ANKMY2: variants seen among roughly 807,000 people sequenced by gnomAD.
The protein encoded by ANKMY2 is ankyrin repeat and MYND domain-containing protein 2.
In ANKMY2, 36 loss-of-function variants were observed where a neutral mutation model predicts 50.4. The observed-to-expected ratio is 0.71, with a 90% CI of 0.55 to 0.94. The LOEUF (loss-of-function observed/expected upper bound fraction) is 0.94, where lower values mean the gene tolerates loss of function less well. ANKMY2 is among the 40% of genes least tolerant of loss of function. The pLI, the probability that ANKMY2 is intolerant of heterozygous loss-of-function variation, is 0.00. For synonymous variants in ANKMY2, 187 were observed against 178.8 expected (o/e 1.05, Z -0.36); for missense variants, 565 against 524.0 (o/e 1.08, Z -0.76).
intron 7 of ANKMY2, among the ~76,000 whole-genome samples, chr7:16,606,557 T>C (rs1781165056): frequency 6.6e-6 from 1 of 152,152 alleles, no homozygotes; most frequent in South Asian, 2.1e-4. Flanking sequence ...TTGTTCTGAG[T>C]TTTTCAAATT....
rs762018862 is a variant in ANKMY2, at chr7:16,600,847, C to T, written c.1240G>A (p.Glu414Lys). The part of the protein sequence containing the change: ...QKDSNPEDSG[E>K]GKKESLESEA... ...CTTTCAAGAGATTCTTTCTTTCCTT[C>T]CCCGGAATCTTCAGGATTGGAATCC... Residue 414 changes from glutamate to lysine, a missense_variant, in exon 10 of 10, where the codon GAA becomes AAA. Transcript: ENST00000306999. 3.1e-6 allele frequency: 5 copies of T among 1,613,436 alleles called. No individual in the cohort carries two copies. Among genetic ancestry groups the T allele is most frequent in the Non-Finnish European group, 1.7e-6 (2 of 1,179,756 alleles).
At chr7:16,640,347 A>G (rs1381011517) in intron 1 of ANKMY2, among the ~76,000 whole-genome samples, 1 of 152,156 alleles carries the variant, frequency 6.6e-6, no homozygotes, top group African/African-American at 2.4e-5. Flanking sequence ...GAGCAGCACA[A>G]TATAATTCAT....
chr7:16,624,002 C>T (rs1004841372), intron 4 of ANKMY2, among the ~76,000 whole-genome samples: 1 of 152,048 alleles, frequency 6.6e-6, no homozygotes, highest in Non-Finnish European at 1.5e-5. Flanking sequence ...TCTCTCAAAA[C>T]CCCCTTGAAT....
At chr7:16,609,229 A>G (rs1037558734) in intron 7 of ANKMY2, among the ~76,000 whole-genome samples, 1 of 152,120 alleles carries the variant, frequency 6.6e-6, no homozygotes, top group Non-Finnish European at 1.5e-5. Context: ...ATCCCACTAC[A>G]TCCCCACTGC....
intron 1 of ANKMY2, among the ~76,000 whole-genome samples, chr7:16,642,654 A>G (rs1287799316): frequency 2.1e-5 from 3 of 146,002 alleles, no homozygotes; most frequent in African/African-American, 8.2e-5. Flanking sequence ...GTATGAAAGA[A>G]AAAAAAAAAA....
At chr7:16,639,997 T>TAA (rs1174380154) in intron 1 of ANKMY2, among the ~76,000 whole-genome samples, 6 of 143,066 alleles carry the variant, frequency 4.2e-5, no homozygotes, top group East Asian at 2.0e-4. Context: ...CCATCTCTAC[T>TAA]AAAAAAAAAA....
intron 8 of ANKMY2, among the ~76,000 whole-genome samples, chr7:16,604,488 A>G (rs1465298483): frequency 6.6e-6 from 1 of 152,236 alleles, no homozygotes; most frequent in Non-Finnish European, 1.5e-5. Context: ...TGAGGTGATC[A>G]GCAAAGAGGC....
intron 7 of ANKMY2, among the ~76,000 whole-genome samples, chr7:16,605,195 C>G (rs1335741278): frequency 1.3e-5 from 2 of 152,140 alleles, no homozygotes; most frequent in Admixed American, 1.3e-4. Context: ...TTTCTGAGAA[C>G]TGACATCCAG....
intron 2 of ANKMY2, among the ~76,000 whole-genome samples, chr7:16,634,609 C>A (rs908559139): frequency 1.3e-5 from 2 of 152,064 alleles, no homozygotes; most frequent in Non-Finnish European, 2.9e-5. Context: ...TGGAAACTAC[C>A]CAAGCCTGGG....
At position 16,636,450 on chromosome 7, in the gene ANKMY2, C is replaced by T; in HGVS notation, c.73G>A (p.Val25Ile). Residue 25 changes from valine (V) to isoleucine (I), a missense_variant, in exon 2 of 10, where the codon GTC (valine) becomes ATC (isoleucine). Transcript: ENST00000306999. ...GATAATAATGTTCCAGCTTCTTGGA[C>T]AGTACCTAAAAAAAAAAAAAAGATG... is the stretch of plus-strand genomic sequence containing the variant. ...ELLEVIGKGT[V>I]QEAGTLLSSK... The T allele has an allele frequency of 6.4e-7, 1 of 1,551,432 alleles. No individual in the cohort carries two copies. The highest frequency in any genetic ancestry group is 1.4e-5 in the African/African-American group (1 of 69,542).
In ANKMY2 at chr7:16,645,503, GTACCTTTCCCGA is replaced by G; in HGVS notation, c.59_67+3del. On this transcript the variant is annotated splice_donor_variant and splice_donor_region_variant and coding_sequence_variant and intron_variant, in exon 1 of 10. Transcript: ENST00000306999. LOFTEE classifies it high-confidence loss of function. ...GCGGCCGCGTCGCAGCCCAGCACCC[GTACCTTTCCCGA>G]TGACTTCCAGTAGCTCCTTCTCCTC... The G allele has an allele frequency of 6.2e-7, 1 of 1,609,938 alleles. No homozygotes were observed. Among genetic ancestry groups the G allele is most frequent in the South Asian group, 1.1e-5 (1 of 90,478 alleles).
At chr7:16,613,840 G>A (rs1191619830) in intron 5 of ANKMY2, among the ~76,000 whole-genome samples, 1 of 150,810 alleles carries the variant, frequency 6.6e-6, no homozygotes, top group Non-Finnish European at 1.5e-5. Context: ...GGAGGCTGAG[G>A]CAGGAGAATC....
chr7:16,610,702 T>C lies in ANKMY2; in HGVS notation c.593A>G (p.Tyr198Cys), dbSNP rs776472979. 6 of 1,614,000 alleles carry C rather than the reference T, an allele frequency of 3.7e-6. No homozygotes were observed. The highest frequency in any genetic ancestry group is 2.2e-5 in the East Asian group (1 of 44,836). Residue 198 changes from tyrosine (Y) to cysteine (C), a missense_variant, in exon 6 of 10, where the codon TAC (tyrosine) becomes TGC (cysteine). Transcript: ENST00000306999. The stretch of plus-strand genomic sequence containing the variant: ...CTCACAAATCAAATCCATCACTCTG[T>C]AGCATTTATTCAGGGCTGCTTCTTC... ...LTEEAALNKC[Y>C]RVMDLICEKC...
intron 3 of ANKMY2, among the ~76,000 whole-genome samples, chr7:16,626,301 C>A (rs542745949): frequency 6.6e-6 from 1 of 152,088 alleles, no homozygotes; most frequent in African/African-American, 2.4e-5. Flanking sequence ...TAATATTTCA[C>A]AATATAATCT....
At chr7:16,639,170 T>C (rs777891261) in intron 1 of ANKMY2, among the ~76,000 whole-genome samples, 6 of 152,250 alleles carry the variant, frequency 3.9e-5, no homozygotes, top group African/African-American at 4.8e-5. Context: ...CAGAATAGCA[T>C]GGAAATGTGA....
intron 6 of ANKMY2, 97 bp from the exon 7 acceptor site, chr7:16,609,862 T>A (rs529634521): frequency 2.1e-6 from 3 of 1,407,206 alleles, no homozygotes; most frequent in Non-Finnish European, 2.9e-6. Flanking sequence ...CTGTTACTTA[T>A]GATTTTCTTT....
Position 16,600,874 on chromosome 7 carries a change from T to G in ANKMY2, c.1213A>C (p.Lys405Gln). 1 of 1,613,348 alleles carries G rather than the reference T, an allele frequency of 6.2e-7. No homozygotes were observed. Among genetic ancestry groups the G allele is most frequent in the Non-Finnish European group, 8.5e-7 (1 of 1,179,656 alleles). Residue 405 changes from lysine to glutamine, a missense_variant, in exon 10 of 10, where the codon AAG becomes CAG. Physicochemically the swap from Lys to Gln is moderately conservative, Grantham distance 53 (BLOSUM62 1). Transcript: ENST00000306999. ...QPEAEVGISQ[K>Q]DSNPEDSGEG... ...CCGGAATCTTCAGGATTGGAATCCT[T>G]TTGAGAGATACCTACTTCAGCCTCT...
intron 6 of ANKMY2, 93 bp from the exon 7 acceptor site, chr7:16,609,858 C>T (rs1583669226): frequency 5.6e-6 from 8 of 1,440,914 alleles, no homozygotes; most frequent in Non-Finnish European, 7.6e-6. Flanking sequence ...TCTTCTGTTA[C>T]TTATGATTTT....
In ANKMY2 at chr7:16,645,536, T is replaced by A. The variant is rs148633866; in HGVS notation, c.38A>T (p.Glu13Val). The A allele has an allele frequency of 1.2e-6, 2 of 1,611,784 alleles. No individual in the cohort carries two copies. The highest frequency in any genetic ancestry group is 1.7e-6 in the Non-Finnish European group (2 of 1,178,958). ...CCCGATGACTTCCAGTAGCTCCTTC[T>A]CCTCCTGGGTCAGCTCGCCTTTCTT... is the stretch of plus-strand genomic sequence containing the variant. ...HIKKGELTQE[E>V]KELLEVIGKG... The change falls in exon 1 of 10, where the codon GAG becomes GTG. Residue 13 changes from glutamate to valine, a missense_variant. Transcript: ENST00000306999.
Sources: allele counts gnomAD v4.1 joint callset (sites outside exome capture counted in the v4.1 genomes callset), GRCh38; gene constraint gnomAD v4.1.1; transcripts MANE v1.5; gene names NCBI Gene and HGNC (gene_info 2026-07-23, HGNC 2026-07-21).